OR2T12: variants seen among roughly 807,000 people sequenced by gnomAD.
OR2T12 encodes olfactory receptor family 2 subfamily T member 12.
For missense variants in OR2T12, 335 were observed against 404.3 expected, an observed-to-expected ratio of 0.83 and a Z score of 1.47; for synonymous variants, 127 against 160.5, an observed-to-expected ratio of 0.79 and a Z score of 1.58.
In OR2T12 at chr1:248,292,758, T is replaced by C. The variant is rs912701262; in HGVS notation, c.*1858A>G. Reference sequence around the variant, plus strand: ...GGAGATAATGTTCATTCCGTGGTTTTGTTGTTGTTGTTGTTTTAGTTTTCT... The same window carrying C: ...GGAGATAATGTTCATTCCGTGGTTTCGTTGTTGTTGTTGTTTTAGTTTTCT... On this transcript the variant is annotated 3_prime_UTR_variant, in exon 3 of 3. Coordinates refer to ENST00000641276, the MANE Select transcript of OR2T12 (RefSeq NM_001004692.2). 3 of 152,052 alleles carry C rather than the reference T, an allele frequency of 2.0e-5. No homozygotes were observed. The highest frequency in any genetic ancestry group is 4.4e-5 in the Non-Finnish European group (3 of 67,964). 9.4% of individuals were successfully genotyped at this position (152,052 alleles called of 1,614,324 possible). A position where few individuals can be genotyped will look rare whatever the true frequency, so the allele number is the denominator to read the frequency against.
rs1216746318 is a variant in OR2T12 at position 248,291,986 on chromosome 1, C to G, written c.*2630G>C. 6.6e-6 allele frequency: 1 copy of G among 152,080 alleles called. No homozygotes were observed. Among genetic ancestry groups the G allele is most frequent in the African/African-American group, 2.4e-5 (1 of 41,404 alleles). 9.4% of individuals were successfully genotyped at this position (152,080 alleles called of 1,614,324 possible). On this transcript the variant is annotated 3_prime_UTR_variant, in exon 3 of 3. Transcript: ENST00000641276. ...AAACCATAAAAACCCTAGAAGAAAA[C>G]CTAGGCAGTACCATTCAGGACATAG...
chr1:248,298,497 G>A (rs1659767263), intron 2 of OR2T12, among the ~76,000 whole-genome samples: 1 of 151,834 alleles, frequency 6.6e-6, no homozygotes, highest in Admixed American at 6.6e-5. Context: ...CTTTTTGGTG[G>A]GTAAGCTATT....
chr1:248,296,221 A>G (rs1387773950), intron 2 of OR2T12, among the ~76,000 whole-genome samples: 1 of 152,154 alleles, frequency 6.6e-6, no homozygotes, highest in African/African-American at 2.4e-5. Flanking sequence ...TCCATGGTGT[A>G]TATGTGCCAC....
At chr1:248,298,076 G>C (rs940296093) in intron 2 of OR2T12, among the ~76,000 whole-genome samples, 7 of 152,056 alleles carry the variant, frequency 4.6e-5, no homozygotes, top group Non-Finnish European at 2.9e-5. Flanking sequence ...GTTGAAATTT[G>C]TCAAAGGCCT....
chr1:248,297,935 CA>C (rs1490928962), intron 2 of OR2T12, among the ~76,000 whole-genome samples: 3 of 150,318 alleles, frequency 2.0e-5, no homozygotes, highest in African/African-American at 7.4e-5. Context: ...TGCCAGTTTT[CA>C]AAGGGAATGC....
At position 248,294,878 on chromosome 1, in the gene OR2T12, T is replaced by A. The variant is rs1358748108; in HGVS notation, c.701A>T (p.Lys234Met). The A allele has an allele frequency of 6.2e-7, 1 of 1,612,046 alleles. No individual in the cohort carries two copies. Among genetic ancestry groups the A allele is most frequent in the Non-Finnish European group, 8.5e-7 (1 of 1,179,854 alleles). Reference sequence around the variant, plus strand: ...ATGTGAAGAGCAGGTGGCAAAGGCCTTCTTGCGGGCTTCTGTAGAGCGCAT... The same window carrying A: ...ATGTGAAGAGCAGGTGGCAAAGGCCATCTTGCGGGCTTCTGTAGAGCGCAT... ...LLMRSTEARK[K>M]AFATCSSHVA... is the part of the protein sequence containing the mutation. The change falls in exon 3 of 3, where the codon AAG (lysine) becomes ATG (methionine). Residue 234 changes from lysine (K) to methionine (M), a missense_variant. Physicochemically the swap from Lys to Met is moderately conservative, Grantham distance 95. Transcript: ENST00000641276.
chr1:248,301,181 T>A (rs540390037), intron 2 of OR2T12, among the ~76,000 whole-genome samples, 192 bp downstream of exon 2: 222 of 152,204 alleles, frequency 1.5e-3, no homozygotes, highest in African/African-American at 5.0e-3. Context: ...GCAAGATATA[T>A]CACAAATTTA....
At chr1:248,298,602 T>G (rs887658832) in intron 2 of OR2T12, among the ~76,000 whole-genome samples, 9 of 151,286 alleles carry the variant, frequency 5.9e-5, no homozygotes, top group East Asian at 1.9e-4. Context: ...GTCGAGGAAT[T>G]TATCCATTTC....
chr1:248,298,019 T>A (rs552871011), intron 2 of OR2T12, among the ~76,000 whole-genome samples: 8 of 151,812 alleles, frequency 5.3e-5, no homozygotes, highest in Admixed American at 1.3e-4. Context: ...TTTTGAGATA[T>A]GTCCCATCAA....
At chr1:248,296,587 G>T (rs1319368177) in intron 2 of OR2T12, among the ~76,000 whole-genome samples, 2 of 151,988 alleles carry the variant, frequency 1.3e-5, no homozygotes, top group Non-Finnish European at 2.9e-5. Context: ...GTTTTGATTT[G>T]CATTTCTCTG....
rs1205947418 is a variant in OR2T12 at position 248,292,008 on chromosome 1, A to G, written c.*2608T>C. 14 of 152,198 alleles carry G rather than the reference A, an allele frequency of 9.2e-5. No individual in the cohort carries two copies. Among genetic ancestry groups the G allele is most frequent in the Non-Finnish European group, 1.9e-4 (13 of 68,038 alleles). The allele number at this position is 152,198 out of a possible 1,614,324, so 9.4% of individuals were successfully genotyped here. A position where few individuals can be genotyped will look rare whatever the true frequency, so the allele number is the denominator to read the frequency against. On this transcript the variant is annotated 3_prime_UTR_variant, in exon 3 of 3. Transcript: ENST00000641276. ...AAACCTAGGCAGTACCATTCAGGACATAGGCATGGGCAAAGACTTCATGAC... is the reference window on the plus strand; with the variant it reads ...AAACCTAGGCAGTACCATTCAGGACGTAGGCATGGGCAAAGACTTCATGAC...
chr1:248,297,493 A>G (rs1442855124), intron 2 of OR2T12, among the ~76,000 whole-genome samples: 6 of 152,062 alleles, frequency 3.9e-5, no homozygotes, highest in Admixed American at 3.9e-4. Context: ...TGAGCATGGA[A>G]TGTTCTTCCA....
At chr1:248,298,408 A>G (rs1027500003) in intron 2 of OR2T12, among the ~76,000 whole-genome samples, 2 of 152,176 alleles carry the variant, frequency 1.3e-5, no homozygotes, top group African/African-American at 4.8e-5. Context: ...GTTGATTGGA[A>G]TAGTTTCAGA....
Position 248,293,358 on chromosome 1 carries a change from C to A in OR2T12, c.*1258G>T, listed in dbSNP as rs1238699708. The A allele has an allele frequency of 6.6e-6, 1 of 152,082 alleles. No individual in the cohort carries two copies. Among genetic ancestry groups the A allele is most frequent in the Non-Finnish European group, 1.5e-5 (1 of 67,972 alleles). 9.4% of individuals were successfully genotyped at this position (152,082 alleles called of 1,614,324 possible). A position where few individuals can be genotyped will look rare whatever the true frequency, so the allele number is the denominator to read the frequency against. On this transcript the variant is annotated 3_prime_UTR_variant, in exon 3 of 3. Transcript: ENST00000641276. Reference sequence around the variant, plus strand: ...TGTCCCTGGAAGCTCTTAGTTATTTCCTCCTTCGTGTTAAAAACTTATATT... The same window carrying A: ...TGTCCCTGGAAGCTCTTAGTTATTTACTCCTTCGTGTTAAAAACTTATATT...
At position 248,293,575 on chromosome 1, in the gene OR2T12, G is replaced by A. The variant is rs547547596; in HGVS notation, c.*1041C>T. 4.9e-4 allele frequency: 74 copies of A among 152,150 alleles called. No homozygotes were observed. Among genetic ancestry groups the A allele is most frequent in the African/African-American group, 1.7e-3 (72 of 41,526 alleles). The allele number at this position is 152,150 out of a possible 1,614,324, so 9.4% of individuals were successfully genotyped here. ...TCTGCAAACTCCAAATCTTTAAAAT[G>A]TGTCCCAAATTTTTCATCAGAAATA... On this transcript the variant is annotated 3_prime_UTR_variant, in exon 3 of 3. Coordinates refer to ENST00000641276, the MANE Select transcript of OR2T12 (RefSeq NM_001004692.2).
intron 2 of OR2T12, among the ~76,000 whole-genome samples, chr1:248,297,335 G>A (rs1165042371): frequency 1.3e-5 from 2 of 152,040 alleles, no homozygotes; most frequent in Non-Finnish European, 2.9e-5. Flanking sequence ...TTGGTGATGT[G>A]GGCTCTTTTT....
At chr1:248,299,023 C>A (rs1434922711) in intron 2 of OR2T12, among the ~76,000 whole-genome samples, 7 of 152,136 alleles carry the variant, frequency 4.6e-5, no homozygotes, top group Non-Finnish European at 1.0e-4. Context: ...CCTAAAAGAG[C>A]TCCTGAAGGA....
At chr1:248,295,738 CTGACCTGGCA>C in intron 2 of OR2T12, 152 bp from the exon 3 acceptor site, 5 of 988,598 alleles carry the variant, frequency 5.1e-6, no homozygotes, top group Non-Finnish European at 7.5e-6. Flanking sequence ...ACAGCTTTTC[CTGACCTGGCA>C]TTCACTTCTC....
intron 2 of OR2T12, among the ~76,000 whole-genome samples, chr1:248,301,061 C>A (rs927289091): frequency 2.0e-5 from 3 of 152,168 alleles, no homozygotes; most frequent in African/African-American, 7.2e-5. Context: ...TATATAAATG[C>A]ACTCTTATTT....
Sources: allele counts gnomAD v4.1 joint callset (sites outside exome capture counted in the v4.1 genomes callset), GRCh38; gene constraint gnomAD v4.1.1; transcripts MANE v1.5; gene names NCBI Gene and HGNC (gene_info 2026-07-23, HGNC 2026-07-21).